The following TDRD3 variants were observed in gnomAD, a reference collection of about 807,000 sequenced individuals.
The protein encoded by TDRD3 is tudor domain-containing protein 3.
Under a neutral mutation model 86.7 loss-of-function variants are expected in TDRD3, and 45 were observed. The ratio of observed to expected loss-of-function variants is 0.52; its 90% CI spans 0.41 to 0.67. The LOEUF (loss-of-function observed/expected upper bound fraction) is 0.67, where lower values mean the gene tolerates loss of function less well. Ranked by LOEUF, TDRD3 falls within the 30% of genes least tolerant of loss-of-function variation. TDRD3 has a pLI of 0.00. For synonymous variants in TDRD3, 298 were observed against 301.7 expected (o/e 0.99, Z 0.13); for missense variants, 814 against 889.0 (o/e 0.92, Z 1.07).
intron 4 of TDRD3, 83 bp from the exon 5 acceptor site, chr13:60,467,154 AG>A: frequency 6.6e-7 from 1 of 1,515,758 alleles, no homozygotes; most frequent in South Asian, 1.3e-5. Context: ...ACTGCCTGAC[AG>A]GCCCCGGTCT....
intron 1 of TDRD3, among the ~76,000 whole-genome samples, chr13:60,425,755 C>T (rs775080573): frequency 2.2e-4 from 34 of 152,090 alleles, no homozygotes; most frequent in South Asian, 4.2e-4. Context: ...AGACCAACCC[C>T]TCCTCTTCTT....
intron 10 of TDRD3, among the ~76,000 whole-genome samples, chr13:60,524,848 G>A (rs547145609): frequency 8.6e-5 from 13 of 151,426 alleles, no homozygotes; most frequent in Admixed American, 3.3e-4. Context: ...CCTGTAATCC[G>A]AGCACTTTGG....
intron 7 of TDRD3, among the ~76,000 whole-genome samples, chr13:60,491,784 T>C (rs973258907): frequency 6.6e-6 from 1 of 151,948 alleles, no homozygotes; most frequent in African/African-American, 2.4e-5. Context: ...AGTTCTTTAA[T>C]GATTATTTCA....
chr13:60,473,371 G>A lies in TDRD3; in HGVS notation c.495+5992G>A, dbSNP rs184972985. Among the ~76,000 whole-genome samples, 333 of 152,290 alleles carry A rather than the reference G, an allele frequency of 2.2e-3. 1 individual carries two copies. Among genetic ancestry groups the A allele is most frequent in the African/African-American group, 7.8e-3 (323 of 41,558 alleles). On this transcript the variant is annotated intron_variant, in intron 5 of 13. Transcript: ENST00000377881. ...ATTACATTTCAATATAAGTTTTGGA[G>A]AGACAGTCAAATCATAGCACTTCCT...
intron 13 of TDRD3, among the ~76,000 whole-genome samples, chr13:60,570,938 A>G (rs1321084924): frequency 1.3e-5 from 2 of 152,256 alleles, no homozygotes; most frequent in African/African-American, 4.8e-5. Context: ...CATATCAAAT[A>G]ACAACGCACA....
chr13:60,444,245 A>G (rs1955347632), intron 2 of TDRD3, among the ~76,000 whole-genome samples: 1 of 151,934 alleles, frequency 6.6e-6, no homozygotes, highest in South Asian at 2.1e-4. Context: ...TATGTTACAG[A>G]TATCATAGCC....
intron 12 of TDRD3, among the ~76,000 whole-genome samples, chr13:60,562,220 G>A (rs1173528926): frequency 1.3e-5 from 2 of 152,072 alleles, no homozygotes; most frequent in Admixed American, 1.3e-4. Context: ...GGCTGAGACA[G>A]AAGAATAGCT....
At chr13:60,480,119 G>A (rs1008455584) in intron 5 of TDRD3, among the ~76,000 whole-genome samples, 3 of 152,148 alleles carry the variant, frequency 2.0e-5, no homozygotes, top group Admixed American at 2.0e-4. Context: ...TGTGCTTTGT[G>A]ATGACAGGTA....
chr13:60,404,344 T>C (rs1386328782), intron 1 of TDRD3, among the ~76,000 whole-genome samples: 1 of 147,194 alleles, frequency 6.8e-6, no homozygotes, highest in Non-Finnish European at 1.5e-5. Flanking sequence ...GGAGTCTCGC[T>C]CTGTCACCCA....
chr13:60,552,914 G>C (rs1166815887), intron 12 of TDRD3, among the ~76,000 whole-genome samples: 1 of 152,184 alleles, frequency 6.6e-6, no homozygotes, highest in East Asian at 1.9e-4. Flanking sequence ...CAAGTTCTGG[G>C]GCTGCACAGA....
chr13:60,563,942 T>G (rs932222413), intron 12 of TDRD3, among the ~76,000 whole-genome samples: 1 of 152,230 alleles, frequency 6.6e-6, no homozygotes, highest in Admixed American at 6.5e-5. Context: ...AAACGCACAT[T>G]ATAGATGAAG....
chr13:60,512,923 C>T (rs1304863747), intron 10 of TDRD3, among the ~76,000 whole-genome samples: 1 of 152,188 alleles, frequency 6.6e-6, no homozygotes, highest in Admixed American at 6.5e-5. Flanking sequence ...CTTCTTATAG[C>T]TCCACTGAGC....
chr13:60,535,310 T>C, intron 12 of TDRD3, 77 bp downstream of exon 12: 3 of 1,431,866 alleles, frequency 2.1e-6, no homozygotes, highest in Non-Finnish European at 2.8e-6. Context: ...TAGATAGCCA[T>C]ACAAAATATG....
chr13:60,510,661 T>C lies in TDRD3; in HGVS notation c.1047T>C (p.Ser349=). ...GAAAAGGCAGGGGGCGAATAAGATC[T>C]GAAGATGAAGAGGACCTGGGAAATG... is the stretch of plus-strand genomic sequence containing the variant. The part of the protein sequence containing the change: ...GRGKGRGRIR[S]EDEEDLGNAR... The change falls in exon 10 of 14, where the codon TCT becomes TCC. Residue 349 remains serine (S), a synonymous_variant. Coordinates refer to ENST00000377881, the MANE Select transcript of TDRD3 (RefSeq NM_001146070.2). 1 of 1,604,618 alleles carries C rather than the reference T, an allele frequency of 6.2e-7. No homozygotes were observed. The highest frequency in any genetic ancestry group is 1.3e-5 in the African/African-American group (1 of 74,738).
chr13:60,454,864 A>C (rs779266460), intron 3 of TDRD3, among the ~76,000 whole-genome samples: 6 of 152,014 alleles, frequency 3.9e-5, no homozygotes, highest in Admixed American at 6.6e-5. Flanking sequence ...GTATGTGACA[A>C]ATCAGACTTT....
At chr13:60,562,297 A>C (rs1958351830) in intron 12 of TDRD3, among the ~76,000 whole-genome samples, 1 of 152,098 alleles carries the variant, frequency 6.6e-6, no homozygotes, top group Non-Finnish European at 1.5e-5. Flanking sequence ...TGGGTGACAC[A>C]GCAAGACTCA....
At chr13:60,443,005 A>T (rs1955316499) in intron 2 of TDRD3, among the ~76,000 whole-genome samples, 1 of 152,048 alleles carries the variant, frequency 6.6e-6, no homozygotes, top group Non-Finnish European at 1.5e-5. Context: ...TCTGTTTCTC[A>T]TTCATATTTA....
At chr13:60,482,750 T>A (rs886982218) in intron 5 of TDRD3, among the ~76,000 whole-genome samples, 5 of 152,106 alleles carry the variant, frequency 3.3e-5, no homozygotes, top group Non-Finnish European at 7.4e-5. Context: ...TGCTTGACTG[T>A]CGTTACTCTT....
chr13:60,559,942 A>G (rs1371192510), intron 12 of TDRD3, among the ~76,000 whole-genome samples: 2 of 152,198 alleles, frequency 1.3e-5, no homozygotes, highest in African/African-American at 4.8e-5. Flanking sequence ...GGTGATGGAT[A>G]TGTTAACCTT....
Sources: allele counts gnomAD v4.1 joint callset (sites outside exome capture counted in the v4.1 genomes callset), GRCh38; gene constraint gnomAD v4.1.1; transcripts MANE v1.5; gene names NCBI Gene and HGNC (gene_info 2026-07-23, HGNC 2026-07-21).